The following FSTL4 variants were observed in gnomAD, a reference collection of about 807,000 sequenced individuals.
The protein encoded by FSTL4 is follistatin-related protein 4.
In FSTL4, 28 loss-of-function variants were observed where a neutral mutation model predicts 78.2. The observed-to-expected ratio is 0.36, with a 90% confidence interval of 0.27 to 0.49. The LOEUF is 0.49. Among genes scored for constraint, FSTL4 ranks in the 20% least tolerant of loss-of-function variants. FSTL4 has a pLI of 0.98. For synonymous variants in FSTL4, 422 were observed against 440.5 expected (o/e 0.96, Z 0.53); for missense variants, 922 against 1,084.9 (o/e 0.85, Z 2.11).
intron 5 of FSTL4, among the ~76,000 whole-genome samples, chr5:133,314,915 C>A (rs1005979758): frequency 1.3e-5 from 2 of 152,192 alleles, no homozygotes; most frequent in East Asian, 3.8e-4. Context: ...GTAATCCCAG[C>A]ACTTTGAGAG....
At chr5:133,293,231 C>T (rs755862798) in intron 6 of FSTL4, among the ~76,000 whole-genome samples, 29 of 152,270 alleles carry the variant, frequency 1.9e-4, no homozygotes, top group Admixed American at 3.3e-4. Flanking sequence ...ACCGCCACCC[C>T]ACGCAAGGGC....
intron 3 of FSTL4, among the ~76,000 whole-genome samples, chr5:133,530,110 C>G (rs1002670787): frequency 6.6e-6 from 1 of 152,104 alleles, no homozygotes; most frequent in East Asian, 1.9e-4. Flanking sequence ...TTGTTTGAAG[C>G]AAATGGTTTT....
At chr5:133,804,836 C>T in the FSTL4 span, among the ~76,000 whole-genome samples, 4 of 146,064 alleles carry the variant, frequency 2.7e-5, no homozygotes, top group South Asian at 4.4e-4. Flanking sequence ...CCCAGCTACT[C>T]GGGAGGCTGA....
At chr5:133,476,973 G>A (rs973743389) in intron 3 of FSTL4, among the ~76,000 whole-genome samples, 33 of 152,318 alleles carry the variant, frequency 2.2e-4, no homozygotes, top group African/African-American at 7.5e-4. Flanking sequence ...CTCAACATCT[G>A]GGGGTGGGGC....
chr5:133,595,617 A>T (rs991829150), intron 2 of FSTL4, among the ~76,000 whole-genome samples: 1 of 152,190 alleles, frequency 6.6e-6, no homozygotes, highest in Non-Finnish European at 1.5e-5. Context: ...TGAAGTTGAC[A>T]CATCAGACTG....
chr5:133,648,977 T>C, the FSTL4 span, among the ~76,000 whole-genome samples: 15 of 152,224 alleles, frequency 9.9e-5, no homozygotes, highest in Non-Finnish European at 1.8e-4. Context: ...TATAGTATCA[T>C]ACAAAGTAGT....
chr5:133,313,791 C>T (rs1753842313), intron 5 of FSTL4, among the ~76,000 whole-genome samples: 1 of 152,082 alleles, frequency 6.6e-6, no homozygotes, highest in Non-Finnish European at 1.5e-5. Context: ...TGCCTGAGAT[C>T]AATCTTCCAA....
At chr5:133,774,038 T>C in the FSTL4 span, among the ~76,000 whole-genome samples, 2 of 152,142 alleles carry the variant, frequency 1.3e-5, no homozygotes, top group African/African-American at 4.8e-5. Flanking sequence ...CAATGGTGAT[T>C]ATGAAAACCC....
intron 3 of FSTL4, among the ~76,000 whole-genome samples, chr5:133,463,367 C>A (rs1757634828): frequency 6.6e-6 from 1 of 152,162 alleles, no homozygotes; most frequent in African/African-American, 2.4e-5. Context: ...AAGTTCCCCA[C>A]CCCCTACACC....
chr5:133,454,656 G>A (rs540963527), intron 3 of FSTL4, among the ~76,000 whole-genome samples: 43 of 152,342 alleles, frequency 2.8e-4, no homozygotes, highest in African/African-American at 9.9e-4. Flanking sequence ...GAATTCATGA[G>A]GCAGCCGAGC....
chr5:133,750,639 T>G, the FSTL4 span, among the ~76,000 whole-genome samples: 1 of 152,044 alleles, frequency 6.6e-6, no homozygotes. Context: ...GAAGCCCACC[T>G]CCAGGGGCCC....
chr5:133,349,295 C>CTTTGTGTGTGTG (rs11269337), intron 4 of FSTL4, among the ~76,000 whole-genome samples: 1 of 139,682 alleles, frequency 7.2e-6, no homozygotes, highest in Admixed American at 7.1e-5. Flanking sequence ...GCCTCTCTCT[C>CTTTGTGTGTGTG]TGTGTGTGTG....
chr5:133,817,416 C>T, the FSTL4 span, among the ~76,000 whole-genome samples: 6 of 151,082 alleles, frequency 4.0e-5, no homozygotes, highest in African/African-American at 1.5e-4. Context: ...GAATTGCTTA[C>T]CAGGTGTGGT....
chr5:133,614,753 T>C (rs1761169576), upstream of FSTL4, among the ~76,000 whole-genome samples: 1 of 152,174 alleles, frequency 6.6e-6, no homozygotes, highest in Non-Finnish European at 1.5e-5. Flanking sequence ...GGGGAAATAA[T>C]GGTTAAGTTT....
chr5:133,669,001 A>C, the FSTL4 span, among the ~76,000 whole-genome samples: 1 of 152,234 alleles, frequency 6.6e-6, no homozygotes, highest in South Asian at 2.1e-4. Context: ...GATATTAAAA[A>C]TTCATTCCCA....
chr5:133,636,089 A>G, the FSTL4 span, among the ~76,000 whole-genome samples: 2 of 152,200 alleles, frequency 1.3e-5, no homozygotes, highest in Non-Finnish European at 2.9e-5. Flanking sequence ...TGTATGTTGA[A>G]TGAAAGAATA....
intron 3 of FSTL4, among the ~76,000 whole-genome samples, chr5:133,420,066 T>G (rs1043761600): frequency 1.3e-5 from 2 of 152,242 alleles, no homozygotes; most frequent in Non-Finnish European, 2.9e-5. Context: ...AAAATACTAC[T>G]TAGCAATAAC....
the FSTL4 span, among the ~76,000 whole-genome samples, chr5:133,619,286 A>G: frequency 6.6e-6 from 1 of 152,192 alleles, no homozygotes; most frequent in African/African-American, 2.4e-5. Context: ...ATGGTGGAAC[A>G]GGGAGAGAAA....
the FSTL4 span, among the ~76,000 whole-genome samples, chr5:133,810,032 C>T: frequency 0.12 from 18,273 of 152,242 alleles, 1,199 homozygotes; most frequent in East Asian, 0.2. Flanking sequence ...CACTGATAGG[C>T]GGGACAGGTG....
Sources: gnomAD v4.1 joint callset for allele counts (sites outside exome capture counted in the v4.1 genomes callset) on GRCh38, gnomAD v4.1.1 for gene constraint, MANE v1.5 for transcripts, NCBI Gene and HGNC (gene_info 2026-07-23, HGNC 2026-07-21) for gene names.